The following CHDH variants were observed in gnomAD, a reference collection of about 807,000 sequenced individuals.
The protein encoded by CHDH is choline dehydrogenase, also known as choline dehydrogenase, mitochondrial.
CHDH carries 43 observed loss-of-function variants against 56.9 expected under a neutral mutation model. The ratio of observed to expected loss-of-function variants is 0.76; its 90% CI spans 0.59 to 0.97. The LOEUF (loss-of-function observed/expected upper bound fraction) is 0.97. Among genes scored for constraint, CHDH ranks in the 50% least tolerant of loss-of-function variants. The pLI, the probability that CHDH is intolerant of heterozygous loss-of-function variation, is 0.00. For missense variants in CHDH, 816 were observed against 821.1 expected, an observed-to-expected ratio of 0.99 and a Z score of 0.08; for synonymous variants, 364 against 348.5, an observed-to-expected ratio of 1.04 and a Z score of -0.50.
intron 2 of CHDH, among the ~76,000 whole-genome samples, chr3:53,835,111 G>A (rs1698456137): frequency 6.6e-6 from 1 of 152,208 alleles, no homozygotes; most frequent in Non-Finnish European, 1.5e-5. Flanking sequence ...ATTTAATCAA[G>A]AGAGTGCTCT....
chr3:53,820,423 T>C, intron 6 of CHDH, 51 bp downstream of exon 6: 2 of 1,562,900 alleles, frequency 1.3e-6, no homozygotes, highest in Non-Finnish European at 1.7e-6. Flanking sequence ...AGGAAGGAGG[T>C]CTCAATGCTT....
At chr3:53,828,600 A>C (rs1354413047) in intron 2 of CHDH, among the ~76,000 whole-genome samples, 2 of 152,228 alleles carry the variant, frequency 1.3e-5, no homozygotes, top group African/African-American at 4.8e-5. Context: ...CTTAACAGAC[A>C]CCTCACTAAA....
chr3:53,821,968 G>A (rs1281335491), intron 4 of CHDH, among the ~76,000 whole-genome samples, 192 bp from the exon 5 acceptor site: 2 of 152,180 alleles, frequency 1.3e-5, no homozygotes, highest in Non-Finnish European at 2.9e-5. Flanking sequence ...ACCAGCAGGT[G>A]CAACTACAGC....
At chr3:53,840,146 G>A (rs952569593) in intron 2 of CHDH, among the ~76,000 whole-genome samples, 1 of 152,176 alleles carries the variant, frequency 6.6e-6, no homozygotes, top group Non-Finnish European at 1.5e-5. Flanking sequence ...ATGAGATCTA[G>A]TATTTGACAG....
At chr3:53,820,283 C>T (rs2095623699) in intron 6 of CHDH, among the ~76,000 whole-genome samples, 191 bp downstream of exon 6, 2 of 152,186 alleles carry the variant, frequency 1.3e-5, no homozygotes, top group Non-Finnish European at 2.9e-5. Flanking sequence ...TGTTTCTGGT[C>T]CTCGCTTCAA....
intron 2 of CHDH, among the ~76,000 whole-genome samples, chr3:53,838,851 G>C (rs373289213): frequency 6.6e-6 from 1 of 152,158 alleles, no homozygotes; most frequent in Admixed American, 6.5e-5. Context: ...AGAGGCCTAG[G>C]GGGTAGTAGC....
intron 1 of CHDH, among the ~76,000 whole-genome samples, chr3:53,842,584 A>G (rs561114256): frequency 6.6e-6 from 1 of 152,364 alleles, no homozygotes; most frequent in Admixed American, 6.5e-5. Flanking sequence ...GACCACAGCC[A>G]TGAACAGAAC....
At position 53,823,628 on chromosome 3, in the gene CHDH, GACGCGGCCGCGTGGCCAGTACAGC is replaced by G. The variant is rs770805036; in HGVS notation, c.357_380del (p.Leu120_Val127del). The G allele has an allele frequency of 3.4e-5, 53 of 1,544,006 alleles. No individual in the cohort carries two copies. The highest frequency in any genetic ancestry group is 3.4e-4 in the East Asian group (14 of 40,874). On this transcript the variant is annotated inframe_deletion, in exon 3 of 9. Transcript: ENST00000315251. ...CATTGAGGGATGAGGAGCCACCCCA[GACGCGGCCGCGTGGCCAGTACAGC>G]ACGCGGCCGTCCAGGCCCCGCTGCA...
Position 53,818,151 on chromosome 3 carries a change from C to A in CHDH, c.1411G>T (p.Glu471Ter), listed in dbSNP as rs1437559328. 5 of 1,613,284 alleles carry A rather than the reference C, an allele frequency of 3.1e-6. No individual in the cohort carries two copies. The highest frequency in any genetic ancestry group is 2.2e-5 in the East Asian group (1 of 44,876). Residue 471 changes from glutamate (E) to a stop codon, truncating the protein, a stop_gained, in exon 9 of 9, where the codon GAA (glutamate) becomes TAA (stop). Coordinates refer to ENST00000315251, the MANE Select transcript of CHDH (RefSeq NM_018397.5). LOFTEE classifies it high-confidence loss of function. ...DFRLCVKLTR[E>*]IFAQEALAPF... ...GCCAGGGCTTCCTGTGCAAAAATTT[C>A]TCTGGTGAGCTTCACACACAGACGG...
intron 2 of CHDH, among the ~76,000 whole-genome samples, chr3:53,839,742 CAA>C (rs1224147098): frequency 3.9e-5 from 6 of 152,198 alleles, no homozygotes; most frequent in Non-Finnish European, 7.3e-5. Context: ...GTCAATATAT[CAA>C]AGAGATATCT....
chr3:53,834,178 G>A (rs563987054), intron 2 of CHDH, among the ~76,000 whole-genome samples: 1 of 152,354 alleles, frequency 6.6e-6, no homozygotes, highest in African/African-American at 2.4e-5. Flanking sequence ...CAGGTGCAGT[G>A]GCTCAGGCCT....
At chr3:53,841,389 G>C (rs1698665455) in intron 1 of CHDH, among the ~76,000 whole-genome samples, 1 of 152,132 alleles carries the variant, frequency 6.6e-6, no homozygotes, top group East Asian at 1.9e-4. Flanking sequence ...AAGCCTGTTT[G>C]ATTTTCTGCG....
chr3:53,838,191 C>T (rs940105345), intron 2 of CHDH, among the ~76,000 whole-genome samples: 25 of 151,912 alleles, frequency 1.6e-4, no homozygotes, highest in African/African-American at 5.1e-4. Flanking sequence ...ACTATTTCTT[C>T]TCCCTTGCAG....
At position 53,816,956 on chromosome 3, in the gene CHDH, C is replaced by CA. The variant is rs2095617028; in HGVS notation, c.*820_*821insT. ...AACCTCCTGGGCTAAAGCCATCCTC[C>CA]CGCCTCAGCCTCCCAAGTAGCTGGG... On this transcript the variant is annotated 3_prime_UTR_variant, in exon 9 of 9. Transcript: ENST00000315251. The CA allele has an allele frequency of 2.6e-5, 4 of 151,908 alleles. No homozygotes were observed. The highest frequency in any genetic ancestry group is 9.7e-5 in the African/African-American group (4 of 41,268). 9.4% of individuals were successfully genotyped at this position (151,908 alleles called of 1,614,324 possible).
rs62250930 is a variant in CHDH at position 53,817,218 on chromosome 3, A to G, written c.*559T>C. 0.026 allele frequency: 4,044 copies of G among 153,966 alleles called. 111 individuals are homozygous for G. The highest frequency in any genetic ancestry group is 0.14 in the East Asian group (744 of 5,176). 9.5% of individuals were successfully genotyped at this position (153,966 alleles called of 1,614,324 possible). On this transcript the variant is annotated 3_prime_UTR_variant, in exon 9 of 9. Transcript: ENST00000315251. Reference sequence around the variant, plus strand: ...ACTCTGAGAGTGAAATTAGGCAGCGAGAAAGGAAAAGCCAGTTTTTCAACC... The same window carrying G: ...ACTCTGAGAGTGAAATTAGGCAGCGGGAAAGGAAAAGCCAGTTTTTCAACC...
intron 1 of CHDH, among the ~76,000 whole-genome samples, chr3:53,842,130 A>AAAAAAAG (rs1039627549): frequency 6.6e-6 from 1 of 151,988 alleles, no homozygotes; most frequent in Non-Finnish European, 1.5e-5. Context: ...GTCTCAAAAA[A>AAAAAAAG]AAAAAAGAAA....
chr3:53,837,300 T>C (rs1698525750), intron 2 of CHDH, among the ~76,000 whole-genome samples: 1 of 152,242 alleles, frequency 6.6e-6, no homozygotes, highest in East Asian at 1.9e-4. Context: ...TGGAAACTGC[T>C]ACCTGGGAGA....
chr3:53,828,162 GACAC>G (rs60594351), intron 2 of CHDH, among the ~76,000 whole-genome samples: 3,279 of 145,068 alleles, frequency 0.023, 55 homozygotes, highest in African/African-American at 0.048. Context: ...GGAATAACTA[GACAC>G]ACACACACAC....
At chr3:53,840,161 G>A (rs1698626981) in intron 2 of CHDH, among the ~76,000 whole-genome samples, 1 of 152,214 alleles carries the variant, frequency 6.6e-6, no homozygotes, top group African/African-American at 2.4e-5. Flanking sequence ...TGACAGGTCA[G>A]TATGGTGACT....
Sources: allele counts gnomAD v4.1 joint callset (sites outside exome capture counted in the v4.1 genomes callset), GRCh38; gene constraint gnomAD v4.1.1; transcripts MANE v1.5; gene names NCBI Gene and HGNC (gene_info 2026-07-23, HGNC 2026-07-21).